EEF1AKMT2: variants seen among roughly 807,000 people sequenced by gnomAD.
The protein encoded by EEF1AKMT2 is eukaryotic translation elongation factor 1 alpha lysine methyltransferase 2.
In EEF1AKMT2, 32 loss-of-function variants were observed where a neutral mutation model predicts 35.8. The ratio of observed to expected loss-of-function variants is 0.89; its 90% CI spans 0.67 to 1.20. EEF1AKMT2 has a LOEUF of 1.20. Among genes scored for constraint, EEF1AKMT2 ranks in the 50% most tolerant of loss-of-function variants. The pLI is 0.00. For synonymous variants in EEF1AKMT2, 121 were observed against 133.7 expected (o/e 0.91, Z 0.65); for missense variants, 330 against 347.5 (o/e 0.95, Z 0.40).
rs935063603 is a variant in EEF1AKMT2 at position 124,763,578 on chromosome 10, T to C, written c.617-1020A>G. Among the ~76,000 whole-genome samples the C allele has an allele frequency of 2.0e-5, 3 of 152,312 alleles. No individual in the cohort carries two copies. In the East Asian group the frequency reaches 5.8e-4, roughly 29 times the overall value. On this transcript the variant is annotated intron_variant, in intron 5 of 6. Transcript: ENST00000368836. ...ATTGTATATAATTATTTATATAACA[T>C]TTCCCATTATAATATTTTGCTTAAA...
rs1241213279 is a variant in EEF1AKMT2 at position 124,762,523 on chromosome 10, C to T, written c.652G>A (p.Ala218Thr). The change falls in exon 6 of 7, where the codon GCC becomes ACC. Residue 218 changes from alanine to threonine, a missense_variant. Physicochemically the swap from Ala to Thr is moderately conservative, Grantham distance 58. Coordinates refer to ENST00000368836, the MANE Select transcript of EEF1AKMT2 (RefSeq NM_212554.4). ...ATCGCTTGAGCCCAGGAAGTCAAGG[C>T]TGCAGTGAGCCAAAATCCTGCCACT... ...STVAGFWLTA[A>T]LTSWAQAIFS... 9 of 1,270,280 alleles carry T rather than the reference C, an allele frequency of 7.1e-6. 1 individual carries two copies. The highest frequency in any genetic ancestry group is 5.2e-5 in the South Asian group (4 of 76,764). 78.7% of individuals were successfully genotyped at this position (1,270,280 alleles called of 1,614,324 possible). A position where few individuals can be genotyped will look rare whatever the true frequency, so the allele number is the denominator to read the frequency against.
chr10:124,779,740 T>C, intron 3 of EEF1AKMT2, among the ~76,000 whole-genome samples: 1 of 52,616 alleles, frequency 1.9e-5, no homozygotes, highest in Non-Finnish European at 3.4e-5. Context: ...AGAGCGAGAC[T>C]CCATCTCAAA....
intron 3 of EEF1AKMT2, among the ~76,000 whole-genome samples, chr10:124,788,006 C>T (rs1167576609): frequency 2.0e-5 from 3 of 152,282 alleles, no homozygotes; most frequent in East Asian, 1.9e-4. Context: ...AATGCAAAAT[C>T]GAAGGTCTTA....
intron 4 of EEF1AKMT2, among the ~76,000 whole-genome samples, chr10:124,772,431 T>C (rs974483984): frequency 5.5e-5 from 7 of 127,860 alleles, no homozygotes; most frequent in East Asian, 2.1e-4. Context: ...TTTTTTTTTT[T>C]TTTTTTTTTT....
chr10:124,788,729 T>TATATATATATATATATATATATATATAG (rs57124028), intron 3 of EEF1AKMT2, among the ~76,000 whole-genome samples: 1 of 141,318 alleles, frequency 7.1e-6, no homozygotes, highest in Non-Finnish European at 1.6e-5. Context: ...TATATATATA[T>TATATATATATATATATATATATATATAG]GCATTTCTAG....
chr10:124,771,040 A>G (rs1258832276), intron 4 of EEF1AKMT2, among the ~76,000 whole-genome samples: 1 of 152,106 alleles, frequency 6.6e-6, no homozygotes, highest in Non-Finnish European at 1.5e-5. Flanking sequence ...CTGACCTCCC[A>G]TGAATTATAA....
At chr10:124,787,453 A>AAG (rs1244188535) in intron 3 of EEF1AKMT2, among the ~76,000 whole-genome samples, 1 of 151,080 alleles carries the variant, frequency 6.6e-6, no homozygotes, top group Non-Finnish European at 1.5e-5. Flanking sequence ...AAAAAAAAAA[A>AAG]AAAAGCCTGA....
At chr10:124,775,590 T>C (rs898117956) in intron 3 of EEF1AKMT2, among the ~76,000 whole-genome samples, 6 of 152,168 alleles carry the variant, frequency 3.9e-5, no homozygotes, top group African/African-American at 1.4e-4. Context: ...TTCCTGCTCT[T>C]CACCATTTAC....
intron 4 of EEF1AKMT2, among the ~76,000 whole-genome samples, chr10:124,766,594 T>C (rs767108621): frequency 3.9e-5 from 6 of 152,206 alleles, no homozygotes; most frequent in Non-Finnish European, 7.3e-5. Flanking sequence ...TTCACACACA[T>C]TTAATACAGC....
chr10:124,772,826 A>G (rs1950450096), intron 4 of EEF1AKMT2, among the ~76,000 whole-genome samples: 1 of 152,218 alleles, frequency 6.6e-6, no homozygotes, highest in Non-Finnish European at 1.5e-5. Flanking sequence ...ACAGAATTGA[A>G]AAGAGTCAAG....
intron 1 of EEF1AKMT2, among the ~76,000 whole-genome samples, chr10:124,790,832 T>G (rs1182335127): frequency 1.3e-5 from 2 of 152,170 alleles, no homozygotes; most frequent in African/African-American, 4.8e-5. Flanking sequence ...TGGCGCGATC[T>G]CGGCTCACTG....
intron 1 of EEF1AKMT2, 24 bp downstream of exon 1, chr10:124,791,700 T>C: frequency 6.4e-7 from 1 of 1,561,202 alleles, no homozygotes. Flanking sequence ...CGGCTCATCC[T>C]CCCCTGCCCA....
intron 4 of EEF1AKMT2, among the ~76,000 whole-genome samples, chr10:124,767,664 T>C (rs932264684): frequency 6.6e-6 from 1 of 151,968 alleles, no homozygotes; most frequent in African/African-American, 2.4e-5. Context: ...TTAAGTGACT[T>C]GGAAGAGAAA....
chr10:124,760,921 G>C (rs979431657), intron 6 of EEF1AKMT2, among the ~76,000 whole-genome samples: 1 of 152,250 alleles, frequency 6.6e-6, no homozygotes, highest in African/African-American at 2.4e-5. Flanking sequence ...CGAGGCTGGA[G>C]TGCAGTGGCA....
chr10:124,787,622 G>A (rs1950597197), intron 3 of EEF1AKMT2, among the ~76,000 whole-genome samples: 1 of 151,402 alleles, frequency 6.6e-6, no homozygotes, highest in Non-Finnish European at 1.5e-5. Flanking sequence ...GTGAAACCTT[G>A]TCTCTACAAA....
chr10:124,774,208 A>G (rs1316072529), intron 4 of EEF1AKMT2, among the ~76,000 whole-genome samples: 1 of 151,940 alleles, frequency 6.6e-6, no homozygotes, highest in African/African-American at 2.4e-5. Flanking sequence ...TCTACTAAAA[A>G]TACAAAAAAT....
In EEF1AKMT2 at chr10:124,759,148, A is replaced by G. The variant is rs1239272348; in HGVS notation, c.*1355T>C. The G allele has an allele frequency of 6.6e-6, 1 of 152,242 alleles. No homozygotes were observed. Among genetic ancestry groups the G allele is most frequent in the East Asian group, 1.9e-4 (1 of 5,198 alleles). The allele number at this position is 152,242 out of a possible 1,614,324, so 9.4% of individuals were successfully genotyped here. A position where few individuals can be genotyped will look rare whatever the true frequency, so the allele number is the denominator to read the frequency against. On this transcript the variant is annotated 3_prime_UTR_variant, in exon 7 of 7. Coordinates refer to ENST00000368836, the MANE Select transcript of EEF1AKMT2 (RefSeq NM_212554.4). ...AAAAATTATGCAAAAATTTGTATTT[A>G]GCTCCAATATTAAAATATTACCACA... is the stretch of plus-strand genomic sequence containing the variant.
chr10:124,761,917 G>C (rs1950334803), intron 6 of EEF1AKMT2, among the ~76,000 whole-genome samples: 1 of 152,126 alleles, frequency 6.6e-6, no homozygotes, highest in Non-Finnish European at 1.5e-5. Context: ...GCCAGACTCT[G>C]TCTCAAAATA....
At chr10:124,778,084 G>C (rs745989253) in intron 3 of EEF1AKMT2, among the ~76,000 whole-genome samples, 43 of 151,998 alleles carry the variant, frequency 2.8e-4, no homozygotes, top group Non-Finnish European at 4.6e-4. Flanking sequence ...CCAGCTACTT[G>C]GGAGGCTGAG....
Sources: gnomAD v4.1 joint callset for allele counts (sites outside exome capture counted in the v4.1 genomes callset) on GRCh38, gnomAD v4.1.1 for gene constraint, MANE v1.5 for transcripts, NCBI Gene and HGNC (gene_info 2026-07-23, HGNC 2026-07-21) for gene names.